FRMD4B: variants seen among roughly 807,000 people sequenced by gnomAD.
FRMD4B encodes the protein FERM domain containing 4B.
In FRMD4B, 74 loss-of-function variants were observed where a neutral mutation model predicts 141.5. That is an observed-to-expected ratio of 0.52 (90% confidence interval 0.43 to 0.63). FRMD4B has a LOEUF of 0.63. FRMD4B is among the 30% of genes least tolerant of loss of function. FRMD4B has a pLI of 0.00. For missense variants in FRMD4B, 1,366 were observed against 1,253.4 expected (o/e 1.09, Z -1.36); for synonymous variants, 506 against 467.9 (o/e 1.08, Z -1.05).
intron 5 of FRMD4B, among the ~76,000 whole-genome samples, chr3:69,251,349 A>G (rs1250565168): frequency 6.6e-6 from 1 of 152,198 alleles, no homozygotes; most frequent in Non-Finnish European, 1.5e-5. Context: ...TTTTAAAGTA[A>G]ATATACAATA....
At chr3:69,329,516 ATTTTTTTTTTTTTTTTTT>A (rs10554375) in intron 1 of FRMD4B, among the ~76,000 whole-genome samples, 2 of 55,562 alleles carry the variant, frequency 3.6e-5, no homozygotes, top group Non-Finnish European at 3.5e-5. Flanking sequence ...TGCCCAGCTA[ATTTTTTTTTTTTTTTTTT>A]TTTTTTTTTT....
At chr3:69,265,270 AT>A (rs1431389615) in intron 5 of FRMD4B, among the ~76,000 whole-genome samples, 8,171 of 19,992 alleles carry the variant, frequency 0.41, 2,125 homozygotes, top group Non-Finnish European at 0.45. Flanking sequence ...AAAAAAAAAA[AT>A]ATATATATAT....
At chr3:69,287,091 C>T (rs1700713612) in intron 5 of FRMD4B, among the ~76,000 whole-genome samples, 1 of 152,230 alleles carries the variant, frequency 6.6e-6, no homozygotes, top group African/African-American at 2.4e-5. Flanking sequence ...GCATGAGCTG[C>T]CATGCTCGGC....
intron 11 of FRMD4B, among the ~76,000 whole-genome samples, chr3:69,202,141 T>G (rs2092973891): frequency 1.3e-5 from 2 of 151,856 alleles, no homozygotes; most frequent in African/African-American, 4.8e-5. Flanking sequence ...AGGCGGAGGT[T>G]GCAGTGAGCC....
At chr3:69,356,651 T>C (rs1465604424) in intron 1 of FRMD4B, among the ~76,000 whole-genome samples, 1 of 148,942 alleles carries the variant, frequency 6.7e-6, no homozygotes, top group Non-Finnish European at 1.5e-5. Flanking sequence ...TACATATATA[T>C]ATAATATCCT....
At chr3:69,491,781 C>G (rs1364777883) in intron 1 of FRMD4B, among the ~76,000 whole-genome samples, 1 of 152,188 alleles carries the variant, frequency 6.6e-6, no homozygotes, top group Non-Finnish European at 1.5e-5. Context: ...GCTAGATTCA[C>G]AAGAGGAATG....
rs113416272 is a variant in FRMD4B at position 69,284,613 on chromosome 3, A to C, written c.501+3139T>G. 5.8e-4 allele frequency among the ~76,000 whole-genome samples: 88 copies of C among 152,312 alleles called. 2 individuals carry two copies. The South Asian group carries it at 8.9e-3, about 15-fold the overall frequency. The stretch of plus-strand genomic sequence containing the variant: ...TCAAGAATATTTATAGGAACACAAA[A>C]AATATATAGCATTCAAAAAGATACA... On this transcript the variant is annotated intron_variant, in intron 5 of 22. Transcript: ENST00000398540.
At chr3:69,389,278 C>A (rs146342934), upstream of FRMD4B, among the ~76,000 whole-genome samples, 2,026 of 152,154 alleles carry the variant, frequency 0.013, 36 homozygotes, top group Non-Finnish European at 0.015. Context: ...TGATCCTCCC[C>A]CCTCGGCCTC....
At chr3:69,313,075 A>T (rs1017677015) in intron 2 of FRMD4B, among the ~76,000 whole-genome samples, 1 of 152,194 alleles carries the variant, frequency 6.6e-6, no homozygotes, top group Non-Finnish European at 1.5e-5. Flanking sequence ...ACAGTGGCAG[A>T]CAGATTCTCA....
At chr3:69,176,995 T>C (rs1011683776) in intron 21 of FRMD4B, among the ~76,000 whole-genome samples, 4 of 152,140 alleles carry the variant, frequency 2.6e-5, no homozygotes, top group Admixed American at 6.6e-5. Flanking sequence ...ATTAATATTA[T>C]TATTGAGAAT....
At chr3:69,476,920 A>T (rs1490145704) in intron 1 of FRMD4B, among the ~76,000 whole-genome samples, 2 of 151,692 alleles carry the variant, frequency 1.3e-5, no homozygotes, top group Non-Finnish European at 3.0e-5. Context: ...GGTCCTTCAC[A>T]TCCCTTGTAA....
At chr3:69,363,482 T>C (rs1301446275) in intron 1 of FRMD4B, among the ~76,000 whole-genome samples, 2 of 151,104 alleles carry the variant, frequency 1.3e-5, no homozygotes, top group Non-Finnish European at 2.9e-5. Flanking sequence ...CTCCGCCTCC[T>C]GGGTTCACGC....
At chr3:69,327,665 A>C (rs938640820) in intron 1 of FRMD4B, among the ~76,000 whole-genome samples, 1 of 152,254 alleles carries the variant, frequency 6.6e-6, no homozygotes, top group Non-Finnish European at 1.5e-5. Flanking sequence ...TAATTAAAAC[A>C]AACGGATTGT....
At chr3:69,427,859 T>A (rs1315062961) in intron 2 of FRMD4B, among the ~76,000 whole-genome samples, 1 of 151,792 alleles carries the variant, frequency 6.6e-6, no homozygotes, top group African/African-American at 2.4e-5. Context: ...TTTCACCATG[T>A]TGGCCAGGCT....
chr3:69,537,117 T>C (rs962936786), intron 1 of FRMD4B, among the ~76,000 whole-genome samples: 7 of 152,180 alleles, frequency 4.6e-5, no homozygotes, highest in Non-Finnish European at 1.5e-5. Flanking sequence ...AATAGTAGCC[T>C]TTACACATGG....
chr3:69,387,828 G>A (rs1250969823), upstream of FRMD4B, among the ~76,000 whole-genome samples: 1 of 152,138 alleles, frequency 6.6e-6, no homozygotes, highest in East Asian at 1.9e-4. Context: ...AAGAGTTTTT[G>A]TTGAATTAGT....
chr3:69,255,896 C>T (rs1166022506), intron 5 of FRMD4B, among the ~76,000 whole-genome samples: 1 of 152,158 alleles, frequency 6.6e-6, no homozygotes, highest in Non-Finnish European at 1.5e-5. Context: ...CACTGCTGAG[C>T]AGAGTCAGAC....
intron 11 of FRMD4B, among the ~76,000 whole-genome samples, chr3:69,214,395 T>A (rs988965547): frequency 1.3e-5 from 2 of 152,190 alleles, no homozygotes; most frequent in Non-Finnish European, 2.9e-5. Context: ...GTGCTTTCAG[T>A]GATGGCAGGA....
chr3:69,335,520 C>T (rs777215318), intron 1 of FRMD4B, among the ~76,000 whole-genome samples: 147 of 151,370 alleles, frequency 9.7e-4, no homozygotes, highest in Non-Finnish European at 1.2e-3. Flanking sequence ...TACAGGCACG[C>T]ACCACCATGC....
Sources: gnomAD v4.1 joint callset for allele counts (sites outside exome capture counted in the v4.1 genomes callset) on GRCh38, gnomAD v4.1.1 for gene constraint, MANE v1.5 for transcripts, NCBI Gene and HGNC (gene_info 2026-07-23, HGNC 2026-07-21) for gene names.